NHS: variants seen among roughly 807,000 people sequenced by gnomAD.
NHS encodes actin remodeling regulator NHS.
Under a neutral mutation model 72.5 loss-of-function variants are expected in NHS, and 5 were observed. The observed-to-expected ratio is 0.07, with a 90% CI of 0.04 to 0.14. The LOEUF is 0.14. Ranked by LOEUF, NHS falls within the 10% of genes least tolerant of loss-of-function variation. NHS has a pLI of 1.00. For synonymous variants in NHS, 464 were observed against 547.7 expected (o/e 0.85, Z 2.13); for missense variants, 1,072 against 1,355.7 (o/e 0.79, Z 3.29).
chrX:17,522,404 C>A (rs2065152452), intron 1 of NHS, among the ~76,000 whole-genome samples: 1 of 110,258 alleles, frequency 9.1e-6, no homozygotes, highest in Non-Finnish European at 1.9e-5. Context: ...CTCTGAAGAA[C>A]CTGTCTTGGG....
chrX:17,410,515 GC>G (rs2064552490), intron 1 of NHS, among the ~76,000 whole-genome samples: 4 of 93,803 alleles, frequency 4.3e-5, no homozygotes, highest in Non-Finnish European at 8.3e-5. Flanking sequence ...GCAACTCTCT[GC>G]TTTTTTTTTT....
intron 1 of NHS, among the ~76,000 whole-genome samples, chrX:17,573,208 A>G (rs2065491506): frequency 9.0e-6 from 1 of 111,235 alleles, no homozygotes; most frequent in Admixed American, 9.6e-5. Flanking sequence ...TTATTTACTG[A>G]ATTTGAATGT....
chrX:17,383,054 G>A (rs572510870), intron 1 of NHS, among the ~76,000 whole-genome samples: 1 of 111,870 alleles, frequency 8.9e-6, no homozygotes, highest in Non-Finnish European at 1.9e-5. Context: ...TCTCAAGTAG[G>A]ACTGAGCTCC....
intron 1 of NHS, among the ~76,000 whole-genome samples, chrX:17,556,673 C>T (rs1160752219): frequency 8.9e-6 from 1 of 112,642 alleles, no homozygotes; most frequent in African/African-American, 3.2e-5. Context: ...TTGAGCTCTA[C>T]AGCCAGGGCT....
chrX:17,514,952 G>A lies in NHS; in HGVS notation c.565+138630G>A, dbSNP rs189130275. 2.0e-3 allele frequency among the ~76,000 whole-genome samples: 228 copies of A among 111,624 alleles called. 1 individual carries two copies. The highest frequency in any genetic ancestry group is 7.2e-3 in the African/African-American group (222 of 30,724). On this transcript the variant is annotated intron_variant, in intron 1 of 8. Transcript: ENST00000676302. ...GCTTTATGTGGGTAGAATCAGGGTCGGTATGAGTGATCACTGACTCCTTGA... is the reference window on the plus strand; with the variant it reads ...GCTTTATGTGGGTAGAATCAGGGTCAGTATGAGTGATCACTGACTCCTTGA...
chrX:17,625,607 CT>C (rs746862938), intron 1 of NHS, among the ~76,000 whole-genome samples: 65 of 111,703 alleles, frequency 5.8e-4, no homozygotes, highest in Non-Finnish European at 9.2e-4. Context: ...AAATGTATTG[CT>C]TTTGTTCATT....
chrX:17,390,137 C>T (rs2064436370), intron 1 of NHS, among the ~76,000 whole-genome samples: 1 of 111,429 alleles, frequency 9.0e-6, no homozygotes, highest in African/African-American at 3.3e-5. Flanking sequence ...AAGCCCTATT[C>T]TAGAGTTCAG....
intron 3 of NHS, 22 bp from the exon 4 acceptor site, chrX:17,719,322 T>G (rs1293940776): frequency 2.1e-5 from 24 of 1,162,770 alleles, no homozygotes; most frequent in Non-Finnish European, 6.9e-6. Context: ...ATTTTTTCTT[T>G]TTTTGCATTT....
chrX:17,696,562 G>C (rs1488934058), intron 3 of NHS, among the ~76,000 whole-genome samples: 2 of 112,339 alleles, frequency 1.8e-5, no homozygotes, highest in Non-Finnish European at 1.9e-5. Flanking sequence ...ACCATTAGAA[G>C]TAGTCTACAC....
chrX:17,664,304 T>C (rs967374617), intron 1 of NHS, among the ~76,000 whole-genome samples: 3 of 112,195 alleles, frequency 2.7e-5, no homozygotes, highest in African/African-American at 9.7e-5. Context: ...CATTTTCTTC[T>C]AGGAGTTTTA....
chrX:17,547,228 A>G (rs1377988028), intron 1 of NHS, among the ~76,000 whole-genome samples: 1 of 112,458 alleles, frequency 8.9e-6, no homozygotes, highest in Admixed American at 9.3e-5. Flanking sequence ...TTAATTGAGC[A>G]CCTGCTGTGT....
At chrX:17,600,556 T>C (rs895489499) in intron 1 of NHS, among the ~76,000 whole-genome samples, 16 of 112,461 alleles carry the variant, frequency 1.4e-4, no homozygotes, top group Non-Finnish European at 2.6e-4. Flanking sequence ...GGTATGGACC[T>C]CTGAATCCTT....
At chrX:17,721,320 C>A in intron 4 of NHS, 121 bp from the exon 5 acceptor site, 2 of 624,951 alleles carry the variant, frequency 3.2e-6, no homozygotes, top group Non-Finnish European at 5.2e-6. Flanking sequence ...TCTAGGAATT[C>A]TTCCTTTGTC....
chrX:17,654,133 G>A (rs1391567711), intron 1 of NHS, among the ~76,000 whole-genome samples: 2 of 111,981 alleles, frequency 1.8e-5, no homozygotes, highest in African/African-American at 6.5e-5. Flanking sequence ...AAATCACCCA[G>A]CCTTCTTAAA....
intron 1 of NHS, among the ~76,000 whole-genome samples, chrX:17,455,967 T>C (rs927949234): frequency 3.6e-5 from 4 of 111,285 alleles, no homozygotes; most frequent in African/African-American, 1.3e-4. Flanking sequence ...CAAAATTTCC[T>C]GGAGATATTT....
chrX:17,556,936 A>G (rs2065378199), intron 1 of NHS, among the ~76,000 whole-genome samples: 1 of 109,089 alleles, frequency 9.2e-6, no homozygotes, highest in Non-Finnish European at 1.9e-5. Flanking sequence ...AAAATGGACT[A>G]CTATACAGGA....
chrX:17,385,233 G>A (rs1165221228), intron 1 of NHS, among the ~76,000 whole-genome samples: 1 of 112,101 alleles, frequency 8.9e-6, no homozygotes, highest in African/African-American at 3.2e-5. Flanking sequence ...AGTAATCTGA[G>A]GACCTGGGCA....
At chrX:17,586,479 G>C (rs2065576677) in intron 1 of NHS, 1 of 112,655 alleles carries the variant, frequency 8.9e-6, no homozygotes, top group African/African-American at 3.2e-5. Flanking sequence ...AGAAAATGTA[G>C]CTGGGAACCC....
At chrX:17,534,680 TA>T (rs2065214936) in intron 1 of NHS, among the ~76,000 whole-genome samples, 2 of 112,121 alleles carry the variant, frequency 1.8e-5, no homozygotes, top group Admixed American at 9.4e-5. Flanking sequence ...GGCAAGTTTA[TA>T]AAAAATCATT....
Sources: gnomAD v4.1 joint callset for allele counts (sites outside exome capture counted in the v4.1 genomes callset) on GRCh38, gnomAD v4.1.1 for gene constraint, MANE v1.5 for transcripts, NCBI Gene and HGNC (gene_info 2026-07-23, HGNC 2026-07-21) for gene names.